Variants in SH3RF2 observed in about 807,000 individuals in gnomAD.
SH3RF2 encodes the protein SH3 domain containing ring finger 2, also known as E3 ubiquitin-protein ligase SH3RF2.
SH3RF2 carries 43 observed loss-of-function variants against 59.0 expected under a neutral mutation model. That is an observed-to-expected ratio of 0.73 (90% confidence interval 0.57 to 0.94). The LOEUF (loss-of-function observed/expected upper bound fraction) is 0.94. SH3RF2 is among the 40% of genes least tolerant of loss of function. The pLI, the probability that SH3RF2 is intolerant of heterozygous loss-of-function variation, is 0.00. For synonymous variants in SH3RF2, 391 were observed against 391.5 expected (o/e 1.00, Z 0.01); for missense variants, 930 against 940.1 (o/e 0.99, Z 0.14).
At chr5:145,986,372 G>C (rs1759705580) in intron 2 of SH3RF2, among the ~76,000 whole-genome samples, 1 of 152,134 alleles carries the variant, frequency 6.6e-6, no homozygotes, top group Non-Finnish European at 1.5e-5. Context: ...ACTCTGCATG[G>C]TGTATTTGGC....
At chr5:145,975,225 T>A (rs1759242627) in intron 2 of SH3RF2, among the ~76,000 whole-genome samples, 1 of 152,202 alleles carries the variant, frequency 6.6e-6, no homozygotes, top group Non-Finnish European at 1.5e-5. Flanking sequence ...CCTTCCCAAC[T>A]GACACTGGAG....
At chr5:146,066,527 G>T (rs1037503280), downstream of SH3RF2, among the ~76,000 whole-genome samples, 3 of 152,180 alleles carry the variant, frequency 2.0e-5, no homozygotes, top group African/African-American at 7.2e-5. Flanking sequence ...GAAATTTCCA[G>T]TGAAGAAATT....
intron 9 of SH3RF2, among the ~76,000 whole-genome samples, chr5:146,069,171 C>A (rs1047578932): frequency 6.6e-6 from 1 of 152,236 alleles, no homozygotes; most frequent in African/African-American, 2.4e-5. Flanking sequence ...ATTTGAGCTC[C>A]CATCTGGCTT....
At position 146,040,848 on chromosome 5, in the gene SH3RF2, G is replaced by A. The variant is rs148511302; in HGVS notation, c.1060-6924G>A. On this transcript the variant is annotated intron_variant, in intron 5 of 9. Coordinates refer to ENST00000359120, the MANE Select transcript of SH3RF2 (RefSeq NM_152550.4). Reference sequence around the variant, plus strand: ...AAGGGCTGATAGCCTCCTGGCAGCCGAAGCTCTGACTCCCTCTGCTCTGCC... The same window carrying A: ...AAGGGCTGATAGCCTCCTGGCAGCCAAAGCTCTGACTCCCTCTGCTCTGCC... 6.8e-3 allele frequency among the ~76,000 whole-genome samples: 1,037 copies of A among 152,240 alleles called. 14 individuals are homozygous for A. The highest frequency in any genetic ancestry group is 0.024 in the African/African-American group (1,008 of 41,546).
At chr5:146,035,022 C>T (rs1285642312) in intron 5 of SH3RF2, among the ~76,000 whole-genome samples, 1 of 151,914 alleles carries the variant, frequency 6.6e-6, no homozygotes, top group African/African-American at 2.4e-5. Context: ...AAGAGAATTG[C>T]TTGAACCCGA....
chr5:145,970,514 T>A (rs1379975003), intron 2 of SH3RF2, among the ~76,000 whole-genome samples: 1 of 152,226 alleles, frequency 6.6e-6, no homozygotes, highest in African/African-American at 2.4e-5. Context: ...CTTTATCCAG[T>A]CATTGGTTGA....
intron 4 of SH3RF2, among the ~76,000 whole-genome samples, chr5:146,004,686 T>A (rs1760566933): frequency 6.6e-6 from 1 of 151,524 alleles, no homozygotes; most frequent in Non-Finnish European, 1.5e-5. Flanking sequence ...GAGAATAATA[T>A]GGAGAATAAT....
At chr5:146,020,698 GA>G (rs1761287763) in intron 5 of SH3RF2, among the ~76,000 whole-genome samples, 1 of 152,050 alleles carries the variant, frequency 6.6e-6, no homozygotes, top group Non-Finnish European at 1.5e-5. Context: ...GCGTAAGATT[GA>G]AAAACTTTTA....
intron 2 of SH3RF2, among the ~76,000 whole-genome samples, chr5:145,993,570 T>C (rs1420088837): frequency 6.6e-6 from 1 of 152,320 alleles, no homozygotes; most frequent in South Asian, 2.1e-4. Flanking sequence ...ACTTGCAGGC[T>C]CAACACCAAG....
intron 5 of SH3RF2, among the ~76,000 whole-genome samples, chr5:146,032,784 C>T (rs1460424903): frequency 6.6e-6 from 1 of 152,204 alleles, no homozygotes; most frequent in Admixed American, 6.5e-5. Context: ...TCTTCTCAGG[C>T]GTCTTTGCAG....
At chr5:145,984,738 T>C (rs72652830) in intron 2 of SH3RF2, among the ~76,000 whole-genome samples, 19,392 of 152,240 alleles carry the variant, frequency 0.13, 1,386 homozygotes, top group East Asian at 0.26. Flanking sequence ...TTCAGCTCTA[T>C]AGGCAGGCAG....
intron 5 of SH3RF2, among the ~76,000 whole-genome samples, chr5:146,028,966 CAT>C (rs1486962502): frequency 6.6e-6 from 1 of 152,310 alleles, no homozygotes; most frequent in Middle Eastern, 3.4e-3. Context: ...GTTGGAAAAA[CAT>C]ATTGTGCAGA....
chr5:145,948,786 G>A (rs1412824662), intron 2 of SH3RF2, among the ~76,000 whole-genome samples: 2 of 152,150 alleles, frequency 1.3e-5, no homozygotes, highest in Admixed American at 1.3e-4. Context: ...TCCTCCGCAG[G>A]TTCCCAGTCT....
rs1762410049 is a variant in SH3RF2 at position 146,049,226 on chromosome 5, TACG to T, written c.1304_1306del (p.Tyr435_Val436delinsPhe). 1.9e-6 allele frequency: 3 copies of T among 1,611,722 alleles called. No homozygotes were observed. The African/African-American group carries it at 4.0e-5, about 22-fold the overall frequency. ...GCGAGTCGGCATCTTCCCAAACAATTACGTCATCCCCATTTTCAGGTGTGTCGC... is the reference window on the plus strand; with the variant it reads ...GCGAGTCGGCATCTTCCCAAACAATTTCATCCCCATTTTCAGGTGTGTCGC... On this transcript the variant is annotated inframe_deletion, in exon 7 of 10. Coordinates refer to ENST00000359120, the MANE Select transcript of SH3RF2 (RefSeq NM_152550.4).
chr5:145,959,623 GTGTGTGTGTGTGTGTGTGTGTGTGTA>G (rs1758552291), intron 2 of SH3RF2, among the ~76,000 whole-genome samples: 1 of 149,616 alleles, frequency 6.7e-6, no homozygotes, highest in African/African-American at 2.5e-5. Flanking sequence ...ATATGTGTGT[GTGTGTGTGTGTGTGTGTGTGTGTGTA>G]TGTGTGTGTG....
intron 2 of SH3RF2, among the ~76,000 whole-genome samples, chr5:145,983,958 A>G (rs1030796415): frequency 3.9e-5 from 6 of 152,194 alleles, no homozygotes; most frequent in African/African-American, 1.4e-4. Flanking sequence ...GGAAATAACT[A>G]GTTGGGTATG....
At chr5:146,005,049 A>G (rs1278135998) in intron 4 of SH3RF2, among the ~76,000 whole-genome samples, 1 of 152,222 alleles carries the variant, frequency 6.6e-6, no homozygotes, top group Non-Finnish European at 1.5e-5. Flanking sequence ...ACATTTTGTG[A>G]TAACTAGATG....
chr5:146,060,412 G>A (rs1035807603), intron 9 of SH3RF2, among the ~76,000 whole-genome samples, 188 bp downstream of exon 9: 2 of 151,622 alleles, frequency 1.3e-5, no homozygotes, highest in African/African-American at 4.9e-5. Context: ...CATCACCCAC[G>A]CCCTCCCTAC....
intron 2 of SH3RF2, among the ~76,000 whole-genome samples, chr5:145,984,874 C>T (rs566650537): frequency 2.6e-4 from 40 of 152,298 alleles, no homozygotes; most frequent in African/African-American, 9.6e-4. Context: ...ATCTTGGCTT[C>T]AGCTGGGCAT....
Sources: gnomAD v4.1 joint callset for allele counts (sites outside exome capture counted in the v4.1 genomes callset) on GRCh38, gnomAD v4.1.1 for gene constraint, MANE v1.5 for transcripts, NCBI Gene and HGNC (gene_info 2026-07-23, HGNC 2026-07-21) for gene names.